The following GMDS variants were observed in gnomAD, a reference collection of about 807,000 sequenced individuals.
GMDS encodes the protein GDP-mannose 4,6 dehydratase.
A neutral mutation model predicts 49.9 loss-of-function variants in GMDS; 20 were observed. The ratio of observed to expected loss-of-function variants is 0.40; its 90% CI spans 0.28 to 0.58. The LOEUF (loss-of-function observed/expected upper bound fraction) is 0.58, where lower values mean the gene tolerates loss of function less well. GMDS is among the 20% of genes least tolerant of loss of function. The pLI, the probability that GMDS is intolerant of heterozygous loss-of-function variation, is 0.42. For missense variants in GMDS, 362 were observed against 481.4 expected (o/e 0.75, Z 2.32); for synonymous variants, 177 against 178.6 (o/e 0.99, Z 0.07).
chr6:1,957,820 G>GA (rs1446070668), intron 6 of GMDS, among the ~76,000 whole-genome samples: 6 of 151,040 alleles, frequency 4.0e-5, no homozygotes, highest in Non-Finnish European at 8.8e-5. Flanking sequence ...AATTTTTTTA[G>GA]AGACAGGGGT....
intron 4 of GMDS, among the ~76,000 whole-genome samples, chr6:2,068,063 C>T (rs914700836): frequency 2.1e-4 from 31 of 148,466 alleles, no homozygotes; most frequent in Non-Finnish European, 4.0e-4. Context: ...AAAGCTTATC[C>T]ACCATGATCA....
intron 1 of GMDS, among the ~76,000 whole-genome samples, chr6:2,187,128 T>C (rs565145722): frequency 6.6e-6 from 1 of 152,278 alleles, no homozygotes; most frequent in Non-Finnish European, 1.5e-5. Context: ...ACAAAAGAAA[T>C]GGATGAGTAA....
chr6:1,854,349 G>A (rs762678141), intron 7 of GMDS, among the ~76,000 whole-genome samples: 1 of 152,186 alleles, frequency 6.6e-6, no homozygotes, highest in African/African-American at 2.4e-5. Flanking sequence ...TGGAATTTCA[G>A]ACTTCAGAAC....
intron 1 of GMDS, among the ~76,000 whole-genome samples, chr6:2,137,142 A>G (rs1039431165): frequency 3.3e-5 from 5 of 152,176 alleles, no homozygotes; most frequent in African/African-American, 4.8e-5. Flanking sequence ...AATGGTATTT[A>G]TAATTAAAAT....
chr6:1,820,754 T>C (rs1770854644), intron 7 of GMDS, among the ~76,000 whole-genome samples: 1 of 152,234 alleles, frequency 6.6e-6, no homozygotes, highest in Non-Finnish European at 1.5e-5. Flanking sequence ...TAATAAGCAC[T>C]ATAGTTTACA....
chr6:2,170,579 A>G (rs1167187423), intron 1 of GMDS, among the ~76,000 whole-genome samples: 1 of 151,862 alleles, frequency 6.6e-6, no homozygotes, highest in African/African-American at 2.4e-5. Flanking sequence ...GTGGGCTATG[A>G]CTGCACCACT....
At chr6:2,196,376 A>C (rs1779276242) in intron 1 of GMDS, among the ~76,000 whole-genome samples, 1 of 152,248 alleles carries the variant, frequency 6.6e-6, no homozygotes, top group African/African-American at 2.4e-5. Flanking sequence ...GTTTACTTTT[A>C]CCAAAATGTA....
intron 4 of GMDS, among the ~76,000 whole-genome samples, chr6:2,113,483 T>C (rs758642561): frequency 2.6e-5 from 4 of 151,692 alleles, no homozygotes; most frequent in African/African-American, 4.8e-5. Context: ...CTGGTTCTGC[T>C]CAGCTCATCT....
At position 2,056,475 on chromosome 6, in the gene GMDS, C is replaced by CT. The variant is rs576739141; in HGVS notation, c.345+59295dup. Among the ~76,000 whole-genome samples, 84 of 152,286 alleles carry CT rather than the reference C, an allele frequency of 5.5e-4. 2 individuals are homozygous for CT. The East Asian group carries it at 0.013, about 23-fold the overall frequency. ...ATCTGCACAAGAATAATGTCAGACTCTGACAGATGTAAAAGAGGGCCATTC... is the reference window on the plus strand; with the variant it reads ...ATCTGCACAAGAATAATGTCAGACTCTTGACAGATGTAAAAGAGGGCCATTC... On this transcript the variant is annotated intron_variant, in intron 4 of 10. Coordinates refer to ENST00000380815, the MANE Select transcript of GMDS (RefSeq NM_001500.4).
At chr6:2,233,758 G>T (rs921051311) in intron 1 of GMDS, among the ~76,000 whole-genome samples, 1 of 152,168 alleles carries the variant, frequency 6.6e-6, no homozygotes, top group Non-Finnish European at 1.5e-5. Flanking sequence ...GGGGGGCGCC[G>T]AAGTTGCAGT....
At chr6:1,627,321 G>C (rs1762874702) in intron 9 of GMDS, among the ~76,000 whole-genome samples, 1 of 152,180 alleles carries the variant, frequency 6.6e-6, no homozygotes, top group South Asian at 2.1e-4. Flanking sequence ...GCGTGGGGAG[G>C]GCCTGTGTGG....
chr6:2,200,784 A>C (rs1362471341), intron 1 of GMDS, among the ~76,000 whole-genome samples: 5 of 145,624 alleles, frequency 3.4e-5, no homozygotes, highest in Non-Finnish European at 7.5e-5. Flanking sequence ...GTTAGCAGAG[A>C]GGTGAAGGAT....
rs375744001 is a variant in GMDS at position 2,072,634 on chromosome 6, T to A, written c.345+43137A>T. ...ACCAATCTTCTTACAATTTCATCAT[T>A]TTAGGACAAGCAGTAGATCCTTCAC... On this transcript the variant is annotated intron_variant, in intron 4 of 10. Coordinates refer to ENST00000380815, the MANE Select transcript of GMDS (RefSeq NM_001500.4). 4.6e-5 allele frequency among the ~76,000 whole-genome samples: 7 copies of A among 152,246 alleles called. No individual in the cohort carries two copies. The East Asian group carries it at 9.7e-4, about 21-fold the overall frequency.
In GMDS at chr6:2,027,392, T is replaced by G. The variant is rs144576814; in HGVS notation, c.346-66426A>C. Among the ~76,000 whole-genome samples, 56 of 152,284 alleles carry G rather than the reference T, an allele frequency of 3.7e-4. No individual in the cohort carries two copies. In the East Asian group the frequency reaches 5.8e-3, roughly 16 times the overall value. ...AATTAATATTTTCTTTTCCTTTGAG[T>G]TTAGCATGCTCAGAAAGGGGCTAAG... On this transcript the variant is annotated intron_variant, in intron 4 of 10. Transcript: ENST00000380815.
intron 1 of GMDS, among the ~76,000 whole-genome samples, chr6:2,156,682 C>G (rs1450315434): frequency 1.3e-5 from 2 of 151,766 alleles, no homozygotes; most frequent in Non-Finnish European, 2.9e-5. Flanking sequence ...AAGGTAAGAA[C>G]TGAGATTATG....
intron 4 of GMDS, among the ~76,000 whole-genome samples, chr6:2,015,778 A>ATT (rs1767851606): frequency 2.0e-5 from 3 of 152,222 alleles, no homozygotes; most frequent in Admixed American, 2.0e-4. Flanking sequence ...ATGCCTTTCC[A>ATT]TCTTAACTGG....
chr6:1,960,121 A>G, intron 5 of GMDS, 150 bp from the exon 6 acceptor site: 1 of 506,078 alleles, frequency 2.0e-6, no homozygotes, highest in East Asian at 3.2e-5. Flanking sequence ...AATAAAGGTT[A>G]TTACACCTGT....
intron 4 of GMDS, among the ~76,000 whole-genome samples, chr6:2,086,284 C>G (rs1581631289): frequency 6.6e-6 from 1 of 152,198 alleles, no homozygotes; most frequent in African/African-American, 2.4e-5. Flanking sequence ...TTCAATGAAA[C>G]CCTGCCTCCC....
intron 9 of GMDS, among the ~76,000 whole-genome samples, chr6:1,681,029 T>C (rs77996309): frequency 0.014 from 2,093 of 152,170 alleles, 41 homozygotes; most frequent in African/African-American, 0.047. Context: ...AACACAAATA[T>C]ACTCTCACAT....
Sources: gnomAD v4.1 joint callset for allele counts (sites outside exome capture counted in the v4.1 genomes callset) on GRCh38, gnomAD v4.1.1 for gene constraint, MANE v1.5 for transcripts, NCBI Gene and HGNC (gene_info 2026-07-23, HGNC 2026-07-21) for gene names.